DLGAP1: variants seen among roughly 807,000 people sequenced by gnomAD.
The protein encoded by DLGAP1 is disks large-associated protein 1.
A neutral mutation model predicts 90.8 loss-of-function variants in DLGAP1; 11 were observed. The observed-to-expected ratio is 0.12, with a 90% CI of 0.08 to 0.20. DLGAP1 has a LOEUF of 0.20. Ranked by LOEUF, DLGAP1 falls within the 10% of genes least tolerant of loss-of-function variation. The probability of loss-of-function intolerance (pLI) is 1.00; values close to 1 mark genes in which losing one functional copy is unlikely to be tolerated. For missense variants in DLGAP1, 1,050 were observed against 1,333.8 expected, an observed-to-expected ratio of 0.79 and a Z score of 3.31; for synonymous variants, 558 against 540.7, an observed-to-expected ratio of 1.03 and a Z score of -0.44.
intron 4 of DLGAP1, among the ~76,000 whole-genome samples, chr18:3,832,246 G>C (rs1029987929): frequency 6.6e-6 from 1 of 152,198 alleles, no homozygotes. Flanking sequence ...TTCATATTCA[G>C]TGATGATGTT....
In DLGAP1 at chr18:3,517,790, C is replaced by T. The variant is rs536707958; in HGVS notation, c.2480-9129G>A. 4.4e-4 allele frequency among the ~76,000 whole-genome samples: 66 copies of T among 148,710 alleles called. No homozygotes were observed. Among genetic ancestry groups the T allele is most frequent in the African/African-American group, 1.6e-3 (65 of 40,150 alleles). On this transcript the variant is annotated intron_variant, in intron 10 of 12. Transcript: ENST00000315677. This position sits in a 1 kb window ranked among gnomAD's most constrained non-coding sequence, Gnocchi z 4.1. Reference sequence around the variant, plus strand: ...CGAGATCGTGCCATTGCACTCCAGCCTGGGCAACAAGAGAGAAACTCTGTC... The same window carrying T: ...CGAGATCGTGCCATTGCACTCCAGCTTGGGCAACAAGAGAGAAACTCTGTC...
chr18:3,782,673 C>T (rs2065253524), intron 5 of DLGAP1, among the ~76,000 whole-genome samples: 1 of 152,226 alleles, frequency 6.6e-6, no homozygotes, highest in Non-Finnish European at 1.5e-5. Context: ...TCTTTACAGA[C>T]CTTCAATGCA....
At chr18:4,187,342 T>C (rs2077314625) in intron 1 of DLGAP1, among the ~76,000 whole-genome samples, 1 of 152,130 alleles carries the variant, frequency 6.6e-6, no homozygotes, top group African/African-American at 2.4e-5. Context: ...TCAAGAAGAA[T>C]GTTTCCAGCT....
At chr18:4,400,160 C>A (rs9958635) in intron 1 of DLGAP1, among the ~76,000 whole-genome samples, 14,232 of 152,048 alleles carry the variant, frequency 0.094, 1,194 homozygotes, top group African/African-American at 0.23. Context: ...ACCTGCAGCA[C>A]GCCCCTGAGC....
chr18:4,113,456 GTTA>G (rs1408469397), intron 2 of DLGAP1, among the ~76,000 whole-genome samples: 7 of 151,756 alleles, frequency 4.6e-5, no homozygotes, highest in Non-Finnish European at 8.8e-5. Flanking sequence ...TTTTAATGGG[GTTA>G]TTATTATTAT....
chr18:3,978,033 C>T (rs939252400), intron 3 of DLGAP1: 2 of 381,024 alleles, frequency 5.2e-6, no homozygotes, highest in African/African-American at 2.1e-5. Context: ...TGGAGAGCCC[C>T]GTGGCTGTCA....
intron 1 of DLGAP1, among the ~76,000 whole-genome samples, chr18:4,248,077 C>T (rs140835616): frequency 0.014 from 2,154 of 152,104 alleles, 48 homozygotes; most frequent in African/African-American, 0.048. Flanking sequence ...AAAGTCACCC[C>T]CAAATGGTAG....
intron 1 of DLGAP1, among the ~76,000 whole-genome samples, chr18:4,315,803 A>C (rs1389832712): frequency 3.2e-5 from 4 of 126,124 alleles, no homozygotes; most frequent in South Asian, 5.2e-4. Flanking sequence ...ACATCATAGT[A>C]ATTTTTTTGA....
At chr18:4,330,378 T>C (rs1555783400) in intron 1 of DLGAP1, among the ~76,000 whole-genome samples, 1 of 151,840 alleles carries the variant, frequency 6.6e-6, no homozygotes, top group Non-Finnish European at 1.5e-5. Context: ...CCTTGACTTA[T>C]ACTCACTATT....
At chr18:4,094,090 T>C (rs1390749153) in intron 2 of DLGAP1, among the ~76,000 whole-genome samples, 2 of 152,230 alleles carry the variant, frequency 1.3e-5, no homozygotes, top group African/African-American at 2.4e-5. Context: ...ACATCCTTTA[T>C]GAATCAACCC....
chr18:4,051,894 T>A (rs2075138968), intron 2 of DLGAP1, among the ~76,000 whole-genome samples: 1 of 152,184 alleles, frequency 6.6e-6, no homozygotes, highest in East Asian at 1.9e-4. Flanking sequence ...AGAGGGGCTA[T>A]AGGCACCATG....
At chr18:3,986,251 A>C (rs1418395586) in intron 3 of DLGAP1, 1 of 152,184 alleles carries the variant, frequency 6.6e-6, no homozygotes, top group Non-Finnish European at 1.5e-5. Context: ...AATAAGTGTA[A>C]GCAAATGACA....
intron 2 of DLGAP1, among the ~76,000 whole-genome samples, chr18:4,095,525 T>C (rs913331991): frequency 1.3e-5 from 2 of 152,138 alleles, no homozygotes; most frequent in African/African-American, 4.8e-5. Context: ...TAACAGGTTA[T>C]ATAAAGAATA....
At chr18:3,973,290 CA>C (rs3031700) in intron 3 of DLGAP1, among the ~76,000 whole-genome samples, 61 of 134,890 alleles carry the variant, frequency 4.5e-4, no homozygotes, top group East Asian at 3.8e-3. Flanking sequence ...TAGCCATAGC[CA>C]AAAAAAAAAA....
At chr18:3,814,607 C>T (rs1206539710) in intron 4 of DLGAP1, among the ~76,000 whole-genome samples, 7 of 152,020 alleles carry the variant, frequency 4.6e-5, no homozygotes, top group African/African-American at 7.2e-5. Context: ...GTGATCTGCC[C>T]GCCTCGGCCT....
chr18:3,833,147 T>G (rs186984648), intron 4 of DLGAP1, among the ~76,000 whole-genome samples: 12 of 668 alleles, frequency 0.018, no homozygotes, highest in Non-Finnish European at 0.03. Context: ...CCTTCCTTCC[T>G]TCCTTCCTTC....
rs574944444 is a variant in DLGAP1, at chr18:3,733,761, G to A, written c.1351-4386C>T. 2.8e-3 allele frequency among the ~76,000 whole-genome samples: 422 copies of A among 152,206 alleles called. 2 individuals carry two copies. The highest frequency in any genetic ancestry group is 9.7e-3 in the African/African-American group (402 of 41,538). On this transcript the variant is annotated intron_variant, in intron 6 of 12. Coordinates refer to ENST00000315677, the MANE Select transcript of DLGAP1 (RefSeq NM_004746.4). ...CGTTCATCCATGCTTATAACAGTTTGTATGTTTTATACTTGAAAGTCAGTT... is the reference window on the plus strand; with the variant it reads ...CGTTCATCCATGCTTATAACAGTTTATATGTTTTATACTTGAAAGTCAGTT...
chr18:3,872,338 T>C (rs929071004), intron 4 of DLGAP1, among the ~76,000 whole-genome samples: 3 of 152,032 alleles, frequency 2.0e-5, no homozygotes, highest in Non-Finnish European at 2.9e-5. Flanking sequence ...TGTGTAACAG[T>C]AATTAATTGA....
intron 3 of DLGAP1, among the ~76,000 whole-genome samples, chr18:3,988,919 C>T (rs886851801): frequency 1.3e-5 from 2 of 152,210 alleles, no homozygotes; most frequent in Non-Finnish European, 2.9e-5. Context: ...TCCTGACTGC[C>T]GTGGCTTAAC....
Sources: allele counts gnomAD v4.1 joint callset (sites outside exome capture counted in the v4.1 genomes callset), GRCh38; gene constraint gnomAD v4.1.1; non-coding constraint Gnocchi (gnomAD v3.1); transcripts MANE v1.5; gene names NCBI Gene and HGNC (gene_info 2026-07-23, HGNC 2026-07-21).